Variants in MEIS3 observed in about 807,000 individuals in gnomAD.
MEIS3 encodes Meis homeobox 3, also known as homeobox protein Meis3.
In MEIS3, 38 loss-of-function variants were observed where a neutral mutation model predicts 51.4. That is an observed-to-expected ratio of 0.74 (90% CI 0.57 to 0.97). The LOEUF is 0.97. MEIS3 is among the 50% of genes least tolerant of loss of function. MEIS3 has a pLI of 0.00. For missense variants in MEIS3, 456 were observed against 502.6 expected, an observed-to-expected ratio of 0.91 and a Z score of 0.89; for synonymous variants, 198 against 201.8, an observed-to-expected ratio of 0.98 and a Z score of 0.16.
chr19:47,418,221 G>C (rs1272962697), intron 1 of MEIS3: 1 of 155,282 alleles, frequency 6.4e-6, no homozygotes, highest in Non-Finnish European at 1.4e-5. Context: ...CTTCCTCAGT[G>C]ATGAAGACAC....
intron 8 of MEIS3, among the ~76,000 whole-genome samples, chr19:47,407,896 C>T (rs1416862095): frequency 2.0e-5 from 3 of 152,194 alleles, no homozygotes; most frequent in East Asian, 3.9e-4. Flanking sequence ...CAAACTCCGC[C>T]TCCGGGGTTC....
Position 47,407,319 on chromosome 19 carries a change from G to C in MEIS3, c.935+33C>G, listed in dbSNP as rs201450525. ...CGGACAGCGCCCGGGCTCTCGCCCC[G>C]GGCCGGCCCGCGGGCCCTCCTGGGC... On this transcript the variant is annotated intron_variant, in intron 9 of 12. Transcript: ENST00000558555. The C allele has an allele frequency of 3.3e-5, 53 of 1,602,376 alleles. No homozygotes were observed. The Admixed American group carries it at 8.5e-4, about 26-fold the overall frequency.
chr19:47,409,294 G>A (rs1279202995), intron 7 of MEIS3, 47 bp from the exon 8 acceptor site: 3 of 1,587,902 alleles, frequency 1.9e-6, no homozygotes, highest in South Asian at 2.3e-5. Flanking sequence ...GAAGAGTGGA[G>A]GACCAGAGGG....
Position 47,417,244 on chromosome 19 carries a change from G to A in MEIS3, c.119C>T (p.Pro40Leu), listed in dbSNP as rs1237963820. 4 of 1,605,572 alleles carry A rather than the reference G, an allele frequency of 2.5e-6. No homozygotes were observed. In the African/African-American group the frequency reaches 5.4e-5, roughly 21 times the overall value. The change falls in exon 2 of 13, where the codon CCT becomes CTT. Residue 40 changes from proline to leucine, a missense_variant. Pro to Leu is a moderately conservative substitution (Grantham distance 98, BLOSUM62 -3). Transcript: ENST00000558555. ...AVPGPYGPHR[P>L]PQPLPPGLDS... Reference sequence around the variant, plus strand: ...CAAGCCTGGGGGCAGGGGCTGGGGAGGCCGGTGCGGGCCATAGGGCCCTGG... The same window carrying A: ...CAAGCCTGGGGGCAGGGGCTGGGGAAGCCGGTGCGGGCCATAGGGCCCTGG...
At chr19:47,407,275 G>T (rs1412284169) in intron 9 of MEIS3, 77 bp downstream of exon 9, 1 of 1,535,644 alleles carries the variant, frequency 6.5e-7, no homozygotes, top group East Asian at 2.3e-5. Context: ...TGCGGGGCTC[G>T]GGGCCTCCGT....
chr19:47,420,721 G>A (rs1971676248), upstream of MEIS3, among the ~76,000 whole-genome samples: 1 of 151,472 alleles, frequency 6.6e-6, no homozygotes, highest in Admixed American at 6.6e-5. Flanking sequence ...AGAAAGAGAC[G>A]AGCTGTTGGG....
chr19:47,409,344 C>T (rs1971009268), intron 7 of MEIS3, 92 bp downstream of exon 7: 1 of 1,573,920 alleles, frequency 6.4e-7, no homozygotes, highest in East Asian at 2.3e-5. Flanking sequence ...CACACCCCAG[C>T]CATCTCTGCC....
Position 47,419,184 on chromosome 19 carries a change from G to A in MEIS3, c.-103C>T. On this transcript the variant is annotated 5_prime_UTR_variant, in exon 1 of 13. Coordinates refer to ENST00000558555, the MANE Select transcript of MEIS3 (RefSeq NM_001301059.2). ...CTGACGGCCCGCGGTGTTGACGCCA[G>A]GGGGTGGGCAGGAGGCCAGGCGCGC... The A allele has an allele frequency of 1.1e-6, 1 of 876,126 alleles. No homozygotes were observed. 54.3% of individuals were successfully genotyped at this position (876,126 alleles called of 1,614,324 possible).
rs1393804526 is a variant in MEIS3, at chr19:47,419,103, C to T, written c.-22G>A. ...CCATGGGCTGAGGCCGGCGGCAGCT[C>T]CTGGGTCCCTCCAGAGCCTGGCCGC... is the stretch of plus-strand genomic sequence containing the variant. On this transcript the variant is annotated 5_prime_UTR_variant, in exon 1 of 13. Transcript: ENST00000558555. The T allele has an allele frequency of 1.6e-6, 2 of 1,241,962 alleles. No individual in the cohort carries two copies. Among genetic ancestry groups the T allele is most frequent in the Non-Finnish European group, 2.0e-6 (2 of 993,998 alleles). The allele number at this position is 1,241,962 out of a possible 1,614,324, so 76.9% of individuals were successfully genotyped here. A position where few individuals can be genotyped will look rare whatever the true frequency, so the allele number is the denominator to read the frequency against.
intron 8 of MEIS3, among the ~76,000 whole-genome samples, chr19:47,408,267 C>T (rs1052746440): frequency 6.6e-6 from 1 of 152,060 alleles, no homozygotes; most frequent in Non-Finnish European, 1.5e-5. Flanking sequence ...GCTGGGATCA[C>T]AGGTGTGTGC....
chr19:47,420,892 GCTCT>G (rs147025798), upstream of MEIS3, among the ~76,000 whole-genome samples: 5,050 of 107,622 alleles, frequency 0.047, 116 homozygotes, highest in East Asian at 0.093. Context: ...TCTGTCTCTC[GCTCT>G]CTCTCTCTCT....
chr19:47,414,668 G>A (rs1278460121), intron 6 of MEIS3, 49 bp downstream of exon 6: 2 of 1,546,044 alleles, frequency 1.3e-6, no homozygotes, highest in Non-Finnish European at 1.7e-6. Context: ...GCGGTGTCCA[G>A]GCACAGCTGT....
intron 8 of MEIS3, chr19:47,407,726 A>C: frequency 2.0e-6 from 1 of 512,018 alleles, no homozygotes; most frequent in Non-Finnish European, 3.3e-6. Flanking sequence ...GAGGGGCTTC[A>C]CTGGCGTCGG....
intron 8 of MEIS3, among the ~76,000 whole-genome samples, chr19:47,408,604 C>A (rs1431584297): frequency 6.6e-5 from 10 of 152,056 alleles, no homozygotes; most frequent in Non-Finnish European, 1.5e-4. Flanking sequence ...CTGACTTGGT[C>A]CTCCCCGAAT....
intron 8 of MEIS3, 94 bp from the exon 9 acceptor site, chr19:47,407,522 C>T: frequency 1.2e-5 from 19 of 1,603,388 alleles, no homozygotes; most frequent in Non-Finnish European, 1.6e-5. Context: ...ATGGGGAGCC[C>T]AGGCCCAGGC....
chr19:47,403,223 C>T lies in MEIS3; in HGVS notation c.*348G>A, dbSNP rs951773368. Reference sequence around the variant, plus strand: ...AGGAATCTCTCCAAAATGTCGGATCCGGGCGACCCTCCTTCCCTGACTGCC... The same window carrying T: ...AGGAATCTCTCCAAAATGTCGGATCTGGGCGACCCTCCTTCCCTGACTGCC... On this transcript the variant is annotated 3_prime_UTR_variant, in exon 13 of 13. Transcript: ENST00000558555. 14 of 309,754 alleles carry T rather than the reference C, an allele frequency of 4.5e-5. No homozygotes were observed. The highest frequency in any genetic ancestry group is 1.2e-4 in the East Asian group (1 of 8,436). 19.2% of individuals were successfully genotyped at this position (309,754 alleles called of 1,614,324 possible). A position where few individuals can be genotyped will look rare whatever the true frequency, so the allele number is the denominator to read the frequency against.
chr19:47,418,965 G>GT (rs1043219060), intron 1 of MEIS3, 105 bp downstream of exon 1: 168 of 677,526 alleles, frequency 2.5e-4, no homozygotes, highest in Middle Eastern at 2.0e-3. Context: ...GCGAGGTGGT[G>GT]TAGAGGACGG....
chr19:47,417,846 T>C (rs973804762), intron 1 of MEIS3: 1 of 609,724 alleles, frequency 1.6e-6, no homozygotes, highest in African/African-American at 1.8e-5. Context: ...CACGTGAATC[T>C]ACCACACATG....
chr19:47,421,379 G>T (rs1293557549), upstream of MEIS3, among the ~76,000 whole-genome samples: 1 of 152,126 alleles, frequency 6.6e-6, no homozygotes, highest in Admixed American at 6.5e-5. Flanking sequence ...CTGGGGCTAT[G>T]CCCACCAGGC....
Sources: gnomAD v4.1 joint callset for allele counts (sites outside exome capture counted in the v4.1 genomes callset) on GRCh38, gnomAD v4.1.1 for gene constraint, MANE v1.5 for transcripts, NCBI Gene and HGNC (gene_info 2026-07-23, HGNC 2026-07-21) for gene names.